AP3B1: variants seen among roughly 807,000 people sequenced by gnomAD.
The protein encoded by AP3B1 is AP-3 complex subunit beta-1.
AP3B1 carries 61 observed loss-of-function variants against 132.5 expected under a neutral mutation model. That is an observed-to-expected ratio of 0.46 (90% CI 0.37 to 0.57). The LOEUF (loss-of-function observed/expected upper bound fraction) is 0.57, where lower values mean the gene tolerates loss of function less well. AP3B1 is among the 20% of genes least tolerant of loss of function. The pLI is 0.00. For missense variants in AP3B1, 1,120 were observed against 1,289.4 expected, an observed-to-expected ratio of 0.87 and a Z score of 2.01; for synonymous variants, 388 against 438.3, an observed-to-expected ratio of 0.89 and a Z score of 1.43.
intron 17 of AP3B1, among the ~76,000 whole-genome samples, chr5:78,120,184 A>G (rs146380152): frequency 5.9e-5 from 9 of 152,300 alleles, no homozygotes; most frequent in African/African-American, 2.2e-4. Context: ...AAGAGCTCCT[A>G]AAGGAAGCAC....
intron 3 of AP3B1, among the ~76,000 whole-genome samples, chr5:78,234,153 A>G (rs1746775816): frequency 6.6e-6 from 1 of 152,100 alleles, no homozygotes; most frequent in African/African-American, 2.4e-5. Flanking sequence ...CCCCATCTCT[A>G]TTATCAATGT....
chr5:78,172,293 T>G (rs538848557), intron 11 of AP3B1, among the ~76,000 whole-genome samples: 11 of 152,316 alleles, frequency 7.2e-5, no homozygotes, highest in Middle Eastern at 6.8e-3. Context: ...TTCTATTGAT[T>G]GGAATAGTTT....
chr5:78,140,404 T>C (rs992081106), intron 15 of AP3B1, among the ~76,000 whole-genome samples: 3 of 152,098 alleles, frequency 2.0e-5, no homozygotes, highest in African/African-American at 7.2e-5. Flanking sequence ...ATATAATTAA[T>C]AATAAAAATT....
chr5:78,164,044 G>T (rs1404060962), intron 12 of AP3B1, among the ~76,000 whole-genome samples: 1 of 151,950 alleles, frequency 6.6e-6, no homozygotes, highest in African/African-American at 2.4e-5. Flanking sequence ...TACCAACCAG[G>T]TGATTAAACA....
intron 22 of AP3B1, among the ~76,000 whole-genome samples, chr5:78,053,053 T>G (rs1410400085): frequency 6.6e-6 from 1 of 152,228 alleles, no homozygotes; most frequent in African/African-American, 2.4e-5. Context: ...TTATGCATTG[T>G]TAAGCTGTGA....
At chr5:78,131,785 G>GA (rs1166338483) in intron 15 of AP3B1, among the ~76,000 whole-genome samples, 1 of 152,028 alleles carries the variant, frequency 6.6e-6, no homozygotes, top group African/African-American at 2.4e-5. Flanking sequence ...CCTGTACAGG[G>GA]AAAACTTTCA....
Position 78,235,685 on chromosome 5 carries a change from C to A in AP3B1, c.279+5177G>T, listed in dbSNP as rs180900256. Among the ~76,000 whole-genome samples, 7 of 152,314 alleles carry A rather than the reference C, an allele frequency of 4.6e-5. No homozygotes were observed. In the East Asian group the frequency reaches 1.3e-3, roughly 29 times the overall value. On this transcript the variant is annotated intron_variant, in intron 3 of 26. Coordinates refer to ENST00000255194, the MANE Select transcript of AP3B1 (RefSeq NM_003664.5). The stretch of plus-strand genomic sequence containing the variant: ...CATTCTCTGATCGGTTACTTTCATT[C>A]AATGTTATAACACTCCTTGCTGTAA...
chr5:78,117,779 C>T (rs937483443), intron 17 of AP3B1, among the ~76,000 whole-genome samples: 9 of 152,112 alleles, frequency 5.9e-5, no homozygotes, highest in African/African-American at 2.2e-4. Context: ...CCCCTTTAAC[C>T]ACTTTAATAC....
At chr5:78,018,698 ACACC>A (rs1746963894) in intron 25 of AP3B1, among the ~76,000 whole-genome samples, 1 of 149,040 alleles carries the variant, frequency 6.7e-6, no homozygotes, top group East Asian at 2.0e-4. Flanking sequence ...ACACACACAC[ACACC>A]CCTTAAATTT....
At chr5:78,028,957 G>A (rs563236518) in intron 24 of AP3B1, among the ~76,000 whole-genome samples, 30 of 151,712 alleles carry the variant, frequency 2.0e-4, no homozygotes, top group South Asian at 8.3e-4. Context: ...ATCTTTCTTC[G>A]TTGTCTTTTT....
At chr5:78,196,851 T>C (rs996943250) in intron 7 of AP3B1, among the ~76,000 whole-genome samples, 4 of 152,164 alleles carry the variant, frequency 2.6e-5, no homozygotes, top group Non-Finnish European at 4.4e-5. Flanking sequence ...GACTAGTGAC[T>C]GCCAGGAGCT....
intron 22 of AP3B1, among the ~76,000 whole-genome samples, chr5:78,058,853 C>T (rs967306965): frequency 5.9e-5 from 9 of 152,278 alleles, no homozygotes; most frequent in Admixed American, 3.9e-4. Context: ...ATGGAAATGG[C>T]CTCTATGAGT....
At chr5:78,241,629 C>T (rs1215688355) in intron 2 of AP3B1, among the ~76,000 whole-genome samples, 1 of 152,102 alleles carries the variant, frequency 6.6e-6, no homozygotes, top group Non-Finnish European at 1.5e-5. Context: ...TCTTCCTCTG[C>T]CCACTAAAGT....
chr5:78,036,916 T>C (rs1747831385), intron 23 of AP3B1, among the ~76,000 whole-genome samples: 1 of 152,150 alleles, frequency 6.6e-6, no homozygotes, highest in South Asian at 2.1e-4. Context: ...CTACAATCTA[T>C]TGATAATAGT....
intron 19 of AP3B1, among the ~76,000 whole-genome samples, chr5:78,113,302 T>C (rs1308363680): frequency 6.6e-6 from 1 of 152,242 alleles, no homozygotes; most frequent in Non-Finnish European, 1.5e-5. Flanking sequence ...TGCTAACACT[T>C]AAAGATCTTA....
intron 14 of AP3B1, among the ~76,000 whole-genome samples, chr5:78,145,200 A>T (rs1245725494): frequency 1.3e-5 from 2 of 152,226 alleles, no homozygotes; most frequent in Non-Finnish European, 2.9e-5. Flanking sequence ...TAAATAACCA[A>T]TTAAAACAAA....
chr5:78,180,882 G>A (rs985398528), intron 8 of AP3B1, among the ~76,000 whole-genome samples: 5 of 151,466 alleles, frequency 3.3e-5, no homozygotes, highest in Non-Finnish European at 7.4e-5. Flanking sequence ...ATTTTGTATT[G>A]TGCACATGTA....
At chr5:78,123,244 C>A (rs149120405) in intron 17 of AP3B1, among the ~76,000 whole-genome samples, 4 of 152,158 alleles carry the variant, frequency 2.6e-5, no homozygotes, top group South Asian at 2.1e-4. Flanking sequence ...CATAAAAACC[C>A]TAGAAGAAAA....
intron 7 of AP3B1, among the ~76,000 whole-genome samples, chr5:78,198,436 T>G (rs978700068): frequency 6.6e-6 from 1 of 152,150 alleles, no homozygotes; most frequent in African/African-American, 2.4e-5. Context: ...ATTCAATTCA[T>G]GGTGAAGGCC....
Sources: allele counts gnomAD v4.1 joint callset (sites outside exome capture counted in the v4.1 genomes callset), GRCh38; gene constraint gnomAD v4.1.1; transcripts MANE v1.5; gene names NCBI Gene and HGNC (gene_info 2026-07-23, HGNC 2026-07-21).